Variants in SYNE2 observed in about 807,000 individuals in gnomAD.
The protein encoded by SYNE2 is spectrin repeat containing nuclear envelope protein 2, also known as nesprin-2.
Under a neutral mutation model 856.3 loss-of-function variants are expected in SYNE2, and 431 were observed. The ratio of observed to expected loss-of-function variants is 0.50; its 90% CI spans 0.47 to 0.55. The LOEUF (loss-of-function observed/expected upper bound fraction) is 0.55. Ranked by LOEUF, SYNE2 falls within the 20% of genes least tolerant of loss-of-function variation. The pLI, the probability that SYNE2 is intolerant of heterozygous loss-of-function variation, is 0.00. For missense variants in SYNE2, 8,129 were observed against 8,023.2 expected (o/e 1.01, Z -0.50); for synonymous variants, 2,923 against 2,872.3 (o/e 1.02, Z -0.56).
At position 64,141,306 on chromosome 14, in the gene SYNE2, A is replaced by G. The variant is rs114128999; in HGVS notation, c.14977-35A>G. ...GACTCTTACTTTCTGCTATATTTAA[A>G]TTTTAAGTTTCTAAATTTTAAAACT... On this transcript the variant is annotated intron_variant, in intron 80 of 115. Transcript: ENST00000555002. The G allele has an allele frequency of 1.2e-3, 1,965 of 1,577,440 alleles. 26 individuals carry two copies. In the African/African-American group the frequency reaches 0.023, roughly 19 times the overall value.
chr14:63,911,644 G>T (rs2095475237), intron 2 of SYNE2, among the ~76,000 whole-genome samples: 1 of 152,164 alleles, frequency 6.6e-6, no homozygotes, highest in Admixed American at 6.6e-5. Flanking sequence ...AGTTTTCTTT[G>T]TATTGTACCA....
intron 8 of SYNE2, among the ~76,000 whole-genome samples, chr14:63,958,292 G>A (rs946643191): frequency 3.3e-5 from 5 of 152,092 alleles, no homozygotes; most frequent in Admixed American, 2.0e-4. Context: ...ATCCCAGCCA[G>A]GATACCACAT....
At chr14:64,127,554 T>C (rs1228263405) in intron 73 of SYNE2, among the ~76,000 whole-genome samples, 1 of 152,216 alleles carries the variant, frequency 6.6e-6, no homozygotes, top group African/African-American at 2.4e-5. Context: ...GCATTTGTTT[T>C]TGTTTTTCTA....
intron 1 of SYNE2, among the ~76,000 whole-genome samples, chr14:63,777,996 AC>A (rs1447768296): frequency 6.6e-6 from 1 of 152,172 alleles, no homozygotes; most frequent in Non-Finnish European, 1.5e-5. Flanking sequence ...TTCTAACTAC[AC>A]ATGAAAAAAC....
intron 87 of SYNE2, 55 bp downstream of exon 87, chr14:64,159,497 A>G: frequency 8.1e-6 from 13 of 1,596,558 alleles, no homozygotes; most frequent in Non-Finnish European, 1.0e-5. Context: ...ATGACTTGTG[A>G]AGAATGAGGG....
chr14:64,018,174 A>G (rs537023470), intron 34 of SYNE2, among the ~76,000 whole-genome samples: 35 of 152,300 alleles, frequency 2.3e-4, no homozygotes, highest in African/African-American at 7.7e-4. Flanking sequence ...ATTCCTAGCA[A>G]AAGCGCCAAC....
rs1357749193 is a variant in SYNE2, at chr14:64,225,448, C to T, written c.20646C>T (p.Tyr6882=). The T allele has an allele frequency of 4.3e-6, 7 of 1,614,086 alleles. No homozygotes were observed. The highest frequency in any genetic ancestry group is 2.2e-5 in the East Asian group (1 of 44,902). ...ACLLPSSEED[Y]SCTQANNFAR... ...TGCTGCCCTCCTCCGAAGAAGACTA[C>T]AGCTGCACTCAGGCCAACAACTTTG... Residue 6882 remains tyrosine, a synonymous_variant, in exon 116 of 116, where the codon TAC becomes TAT. Coordinates refer to ENST00000555002, the MANE Select transcript of SYNE2 (RefSeq NM_182914.3).
At chr14:64,156,434 T>C (rs2153709232) in intron 85 of SYNE2, among the ~76,000 whole-genome samples, 1 of 150,602 alleles carries the variant, frequency 6.6e-6, no homozygotes, top group East Asian at 1.9e-4. Flanking sequence ...TTCCTTGCCT[T>C]TCTTCTTTAT....
At chr14:64,209,760 T>C in intron 102 of SYNE2, 182 bp downstream of exon 102, 2 of 1,119,638 alleles carry the variant, frequency 1.8e-6, no homozygotes, top group Admixed American at 2.0e-5. Context: ...GTACTCCAGC[T>C]GCTATGTAAT....
At chr14:63,939,347 C>CTT (rs1056199146) in intron 2 of SYNE2, among the ~76,000 whole-genome samples, 15 of 115,176 alleles carry the variant, frequency 1.3e-4, no homozygotes, top group South Asian at 5.7e-4. Context: ...TTTTTTTTTT[C>CTT]TTTTTTTTTT....
intron 1 of SYNE2, among the ~76,000 whole-genome samples, chr14:63,863,226 G>A (rs951712591): frequency 3.3e-5 from 5 of 152,060 alleles, no homozygotes; most frequent in African/African-American, 1.2e-4. Context: ...AAATCCGTTC[G>A]TCTTAGTCAA....
chr14:64,061,669 A>G (rs1038193532), intron 49 of SYNE2, among the ~76,000 whole-genome samples: 12 of 152,290 alleles, frequency 7.9e-5, no homozygotes, highest in African/African-American at 2.6e-4. Flanking sequence ...TCTTCTGTAA[A>G]ATGCTTATTT....
At position 63,954,737 on chromosome 14, in the gene SYNE2, G is replaced by C; in HGVS notation, c.609G>C (p.Val203=). The change falls in exon 8 of 116, where the codon GTG becomes GTC. Residue 203 remains valine, a synonymous_variant. Transcript: ENST00000555002. The part of the protein sequence containing the change: ...EQCATYESVN[V]TDFKSSWRNG... ...ATGATAGCTATGAGTCTGTCAATGT[G>C]ACCGATTTTAAGTCAAGTTGGAGAA... 1 of 1,613,912 alleles carries C rather than the reference G, an allele frequency of 6.2e-7. No individual in the cohort carries two copies. The highest frequency in any genetic ancestry group is 1.6e-4 in the Middle Eastern group (1 of 6,062).
In SYNE2 at chr14:64,113,533, A is replaced by C. The variant is rs1198117476; in HGVS notation, c.12802A>C (p.Met4268Leu). Residue 4268 changes from methionine to leucine, a missense_variant, in exon 66 of 116, where the codon ATG becomes CTG. Met to Leu is a conservative substitution (Grantham distance 15). Coordinates refer to ENST00000555002, the MANE Select transcript of SYNE2 (RefSeq NM_182914.3). ...AVEPETLNAD[M>L]QQVLEQQLVG... The stretch of plus-strand genomic sequence containing the variant: ...TGAGCCGGAAACATTAAACGCAGAC[A>C]TGCAGCAGGTGCTGGAACAGCAGCT... 2.5e-6 allele frequency: 4 copies of C among 1,613,138 alleles called. No homozygotes were observed. In the African/African-American group the frequency reaches 4.0e-5, roughly 16 times the overall value.
chr14:64,052,808 T>C lies in SYNE2; in HGVS notation c.8895T>C (p.Asn2965=). ...LQEEADSIQR[N]ELLLNQEVNK... is the part of the protein sequence containing the mutation. ...AGGAGGCTGACAGTATACAGCGCAA[T>C]GAACTATTACTTAATCAAGAAGTAA... Residue 2965 remains asparagine, a synonymous_variant, in exon 48 of 116, where the codon AAT becomes AAC. Transcript: ENST00000555002. 1 of 1,612,700 alleles carries C rather than the reference T, an allele frequency of 6.2e-7. No individual in the cohort carries two copies. The highest frequency in any genetic ancestry group is 8.5e-7 in the Non-Finnish European group (1 of 1,179,716).
rs886050595 is a variant in SYNE2 at position 64,177,355 on chromosome 14, T to C, written c.17431-3T>C. 10 of 1,614,038 alleles carry C rather than the reference T, an allele frequency of 6.2e-6. No individual in the cohort carries two copies. In the East Asian group the frequency reaches 1.8e-4, roughly 29 times the overall value. On this transcript the variant is annotated splice_region_variant and splice_polypyrimidine_tract_variant and intron_variant, in intron 95 of 115. Coordinates refer to ENST00000555002, the MANE Select transcript of SYNE2 (RefSeq NM_182914.3). ...TACCAGTTTTAATCTTGTTTTCAAA[T>C]AGACCTGGGACCAGTGTGAAAAGAA... is the stretch of plus-strand genomic sequence containing the variant.
chr14:64,159,374 C>T lies in SYNE2; in HGVS notation c.16026C>T (p.Gly5342=). 1 of 1,613,988 alleles carries T rather than the reference C, an allele frequency of 6.2e-7. No individual in the cohort carries two copies. ...GGGAGAAACTCCAGGAGGTTATCGG[C>T]AAACTCAAAGGTCTCTGCCCCTCTG... The part of the protein sequence containing the change: ...GSWEKLQEVI[G]KLKGLCPSVA... The change falls in exon 87 of 116, where the codon GGC becomes GGT. Residue 5342 remains glycine, a synonymous_variant. Coordinates refer to ENST00000555002, the MANE Select transcript of SYNE2 (RefSeq NM_182914.3).
intron 7 of SYNE2, among the ~76,000 whole-genome samples, chr14:63,952,087 G>T (rs1422628407): frequency 6.6e-6 from 1 of 152,170 alleles, no homozygotes; most frequent in African/African-American, 2.4e-5. Context: ...TAAGTAATAT[G>T]TTGTATTTTC....
intron 2 of SYNE2, among the ~76,000 whole-genome samples, chr14:63,916,456 A>G (rs190153500): frequency 3.3e-5 from 5 of 152,332 alleles, no homozygotes; most frequent in Admixed American, 1.3e-4. Context: ...AGTATGTTGT[A>G]GGTACATATG....
Sources: allele counts gnomAD v4.1 joint callset (sites outside exome capture counted in the v4.1 genomes callset), GRCh38; gene constraint gnomAD v4.1.1; transcripts MANE v1.5; gene names NCBI Gene and HGNC (gene_info 2026-07-23, HGNC 2026-07-21).